Variants in GORASP2 observed in about 807,000 individuals in gnomAD.
The protein encoded by GORASP2 is Golgi reassembly-stacking protein 2.
GORASP2 carries 22 observed loss-of-function variants against 45.7 expected under a neutral mutation model. That is an observed-to-expected ratio of 0.48 (90% CI 0.34 to 0.69). The LOEUF (loss-of-function observed/expected upper bound fraction) is 0.69. Ranked by LOEUF, GORASP2 falls within the 30% of genes least tolerant of loss-of-function variation. GORASP2 has a pLI of 0.01. For synonymous variants in GORASP2, 221 were observed against 215.6 expected, an observed-to-expected ratio of 1.02 and a Z score of -0.22; for missense variants, 491 against 562.7, an observed-to-expected ratio of 0.87 and a Z score of 1.29.
intron 7 of GORASP2, among the ~76,000 whole-genome samples, chr2:170,959,821 C>CTTTTT (rs35210942): frequency 4.0e-5 from 5 of 124,550 alleles, no homozygotes; most frequent in South Asian, 2.5e-4. Flanking sequence ...TCACCTTTTT[C>CTTTTT]TTTTTTTTTT....
At chr2:170,938,229 A>G (rs1478345176) in intron 1 of GORASP2, among the ~76,000 whole-genome samples, 1 of 152,260 alleles carries the variant, frequency 6.6e-6, no homozygotes, top group Non-Finnish European at 1.5e-5. Flanking sequence ...TGCCTTTATT[A>G]CTAGCATTTG....
intron 5 of GORASP2, chr2:170,953,824 T>G (rs1704359290): frequency 6.6e-6 from 1 of 152,256 alleles, no homozygotes; most frequent in East Asian, 1.9e-4. Flanking sequence ...CAGCATTCAT[T>G]CTACTAAACC....
In GORASP2 at chr2:170,961,734, GCTA is replaced by G; in HGVS notation, c.900_902del (p.Thr301del). On this transcript the variant is annotated inframe_deletion, in exon 8 of 10. Coordinates refer to ENST00000234160, the MANE Select transcript of GORASP2 (RefSeq NM_015530.5). ...CACTTCTGTGCCACCAATGAATCCA[GCTA>G]CTACATTACCAGGTAACCACCAGGG... 2 of 1,569,828 alleles carry G rather than the reference GCTA, an allele frequency of 1.3e-6. No homozygotes were observed. Among genetic ancestry groups the G allele is most frequent in the Non-Finnish European group, 1.8e-6 (2 of 1,139,532 alleles).
Position 170,949,667 on chromosome 2 carries a change from C to A in GORASP2, c.273C>A (p.Gly91=). The part of the protein sequence containing the change: ...ETSVTPSNLW[G]GQGLLGVSIR... Reference sequence around the variant, plus strand: ...CAGTCACACCAAGTAACCTGTGGGGCGGCCAGGGCTTATTGGGAGTGAGCA... The same window carrying A: ...CAGTCACACCAAGTAACCTGTGGGGAGGCCAGGGCTTATTGGGAGTGAGCA... Residue 91 remains glycine (G), a synonymous_variant, in exon 3 of 10, where the codon GGC becomes GGA. Coordinates refer to ENST00000234160, the MANE Select transcript of GORASP2 (RefSeq NM_015530.5). The A allele has an allele frequency of 6.2e-7, 1 of 1,614,018 alleles. No individual in the cohort carries two copies. Among genetic ancestry groups the A allele is most frequent in the Non-Finnish European group, 8.5e-7 (1 of 1,179,912 alleles).
rs1030049479 is a variant in GORASP2, at chr2:170,949,436, T to G, written c.145-103T>G. The stretch of plus-strand genomic sequence containing the variant: ...GTTGGTGAAACCTTTGTTGAATGTT[T>G]TATTTATGTTGATTATTAATATTAC... On this transcript the variant is annotated intron_variant, in intron 2 of 9. Coordinates refer to ENST00000234160, the MANE Select transcript of GORASP2 (RefSeq NM_015530.5). 24 of 732,218 alleles carry G rather than the reference T, an allele frequency of 3.3e-5. No homozygotes were observed. The South Asian group carries it at 4.4e-4, about 13-fold the overall frequency. 45.4% of individuals were successfully genotyped at this position (732,218 alleles called of 1,614,324 possible). A position where few individuals can be genotyped will look rare whatever the true frequency, so the allele number is the denominator to read the frequency against.
intron 1 of GORASP2, among the ~76,000 whole-genome samples, chr2:170,944,604 G>A (rs1344308707): frequency 6.6e-6 from 1 of 152,126 alleles, no homozygotes; most frequent in Non-Finnish European, 1.5e-5. Context: ...CAGACAAATA[G>A]TTTAAACTTT....
intron 7 of GORASP2, among the ~76,000 whole-genome samples, 186 bp downstream of exon 7, chr2:170,956,745 A>T (rs1479593450): frequency 7.5e-5 from 2 of 26,526 alleles, no homozygotes; most frequent in Non-Finnish European, 1.2e-4. Context: ...ACGTCTCTAA[A>T]AAAAAAAAAC....
chr2:170,960,500 C>T (rs1553599591), intron 7 of GORASP2, among the ~76,000 whole-genome samples: 1 of 152,166 alleles, frequency 6.6e-6, no homozygotes, highest in Non-Finnish European at 1.5e-5. Context: ...TGTATCTATC[C>T]TTTAAGAATG....
At chr2:170,942,448 G>C (rs184544825) in intron 1 of GORASP2, among the ~76,000 whole-genome samples, 3 of 151,996 alleles carry the variant, frequency 2.0e-5, no homozygotes, top group Non-Finnish European at 2.9e-5. Context: ...TGTCTATTGC[G>C]GACATTTCAT....
At chr2:170,957,682 A>G (rs969343454) in intron 7 of GORASP2, among the ~76,000 whole-genome samples, 8 of 152,210 alleles carry the variant, frequency 5.3e-5, no homozygotes, top group African/African-American at 7.2e-5. Flanking sequence ...GCATATTACC[A>G]TACAATTCAC....
At chr2:170,949,472 C>A in intron 2 of GORASP2, 67 bp from the exon 3 acceptor site, 4 of 1,033,750 alleles carry the variant, frequency 3.9e-6, no homozygotes, top group Non-Finnish European at 6.1e-6. Flanking sequence ...TCTTATAGGG[C>A]CATAGGATGC....
At chr2:170,958,121 C>G (rs546455140) in intron 7 of GORASP2, among the ~76,000 whole-genome samples, 1 of 152,304 alleles carries the variant, frequency 6.6e-6, no homozygotes, top group Admixed American at 6.5e-5. Context: ...CATCCCAGCT[C>G]TTTAGTCCTG....
At chr2:170,943,025 T>G (rs575651362) in intron 1 of GORASP2, among the ~76,000 whole-genome samples, 1 of 152,250 alleles carries the variant, frequency 6.6e-6, no homozygotes, top group Non-Finnish European at 1.5e-5. Flanking sequence ...CTTTCTTAAT[T>G]ATACCTTTTG....
intron 4 of GORASP2, 135 bp downstream of exon 4, chr2:170,950,425 C>T (rs1477717942): frequency 1.9e-6 from 1 of 516,266 alleles, no homozygotes; most frequent in Non-Finnish European, 3.4e-6. Flanking sequence ...ACTTAAGCCT[C>T]AGGGTGTTAA....
chr2:170,933,697 G>T lies in GORASP2; in HGVS notation c.63+4294G>T, dbSNP rs575069833. ...TTTTAAATTAAAATATTCATATTCT[G>T]TTCCACACTTAAAAGAGATGGGGAA... is the stretch of plus-strand genomic sequence containing the variant. On this transcript the variant is annotated intron_variant, in intron 1 of 9. Coordinates refer to ENST00000234160, the MANE Select transcript of GORASP2 (RefSeq NM_015530.5). 2.0e-3 allele frequency among the ~76,000 whole-genome samples: 191 copies of T among 97,138 alleles called. 5 individuals carry two copies. The South Asian group carries it at 0.1, about 51-fold the overall frequency. 63.7% of individuals were successfully genotyped at this position (97,138 alleles called of 152,430 possible).
intron 9 of GORASP2, among the ~76,000 whole-genome samples, chr2:170,963,334 T>A (rs2105330134): frequency 7.0e-6 from 1 of 141,890 alleles, no homozygotes; most frequent in African/African-American, 2.7e-5. Context: ...GAGATCACAC[T>A]ACTGCACTCC....
intron 7 of GORASP2, among the ~76,000 whole-genome samples, chr2:170,957,634 TTTTA>T (rs1211239610): frequency 2.0e-5 from 3 of 152,174 alleles, no homozygotes; most frequent in Non-Finnish European, 4.4e-5. Context: ...TTGTTTTGGG[TTTTA>T]TTTATTTATT....
At chr2:170,955,295 A>G (rs779597053) in intron 6 of GORASP2, among the ~76,000 whole-genome samples, 1 of 152,200 alleles carries the variant, frequency 6.6e-6, no homozygotes, top group Non-Finnish European at 1.5e-5. Flanking sequence ...AGCAGAGTGA[A>G]TAGGTGAAAA....
Position 170,956,507 on chromosome 2 carries a change from T to A in GORASP2, c.771T>A (p.Thr257=), listed in dbSNP as rs763151066. 1 of 1,613,556 alleles carries A rather than the reference T, an allele frequency of 6.2e-7. No homozygotes were observed. The highest frequency in any genetic ancestry group is 1.1e-5 in the South Asian group (1 of 91,066). The change falls in exon 7 of 10, where the codon ACT becomes ACA. Residue 257 remains threonine (T), a synonymous_variant. Coordinates refer to ENST00000234160, the MANE Select transcript of GORASP2 (RefSeq NM_015530.5). ...PGTTGIEQSL[T]GLSISSTPPA... ...CTACAGGAATTGAACAGAGTCTGAC[T>A]GGACTTTCTATTAGCTCAACTCCAC...
Sources: allele counts gnomAD v4.1 joint callset (sites outside exome capture counted in the v4.1 genomes callset), GRCh38; gene constraint gnomAD v4.1.1; transcripts MANE v1.5; gene names NCBI Gene and HGNC (gene_info 2026-07-23, HGNC 2026-07-21).